The following ADRA1B variants were observed in gnomAD, a reference collection of about 807,000 sequenced individuals.
ADRA1B encodes the protein alpha-1B adrenergic receptor.
In ADRA1B, 17 loss-of-function variants were observed where a neutral mutation model predicts 17.9. The ratio of observed to expected loss-of-function variants is 0.95; its 90% CI spans 0.65 to 1.42. The LOEUF is 1.42. ADRA1B is among the 40% of genes most tolerant of loss of function. The probability of loss-of-function intolerance (pLI) is 0.00; values close to 1 mark genes in which losing one functional copy is unlikely to be tolerated. For synonymous variants in ADRA1B, 366 were observed against 327.6 expected, an observed-to-expected ratio of 1.12 and a Z score of -1.27; for missense variants, 681 against 722.1, an observed-to-expected ratio of 0.94 and a Z score of 0.65.
chr5:159,974,568 G>A (rs1275631576), downstream of ADRA1B, among the ~76,000 whole-genome samples: 7 of 151,644 alleles, frequency 4.6e-5, no homozygotes, highest in East Asian at 1.9e-4. Flanking sequence ...CCCAGGGGGC[G>A]GAGGTTGCAG....
At chr5:159,967,021 G>A (rs1755788086) in intron 1 of ADRA1B, among the ~76,000 whole-genome samples, 1 of 152,194 alleles carries the variant, frequency 6.6e-6, no homozygotes, top group Non-Finnish European at 1.5e-5. Context: ...TTTGGGGAAA[G>A]GTATGTGCAG....
At position 159,916,851 on chromosome 5, in the gene ADRA1B, G is replaced by T. The variant is rs1348734502; in HGVS notation, c.-55G>T. The stretch of plus-strand genomic sequence containing the variant: ...GTTTCAGGGCAGCTGAGGAGCCTTC[G>T]CCGCAGCCCTTCCGAGCCCAATCAT... On this transcript the variant is annotated 5_prime_UTR_variant, in exon 1 of 2. Coordinates refer to ENST00000306675, the MANE Select transcript of ADRA1B (RefSeq NM_000679.4). 1 of 1,512,836 alleles carries T rather than the reference G, an allele frequency of 6.6e-7. No homozygotes were observed. Among genetic ancestry groups the T allele is most frequent in the Non-Finnish European group, 9.0e-7 (1 of 1,116,968 alleles). 93.7% of individuals were successfully genotyped at this position (1,512,836 alleles called of 1,614,324 possible). A position where few individuals can be genotyped will look rare whatever the true frequency, so the allele number is the denominator to read the frequency against.
At chr5:159,951,028 C>A in intron 1 of ADRA1B, 1 of 689,504 alleles carries the variant, frequency 1.5e-6, no homozygotes, top group Non-Finnish European at 2.7e-6. Flanking sequence ...CGCCCAGGGG[C>A]ACTAAGCAGT....
intron 1 of ADRA1B, among the ~76,000 whole-genome samples, chr5:159,871,795 GC>G (rs1454525982): frequency 1.3e-5 from 2 of 152,164 alleles, no homozygotes; most frequent in Non-Finnish European, 2.9e-5. Context: ...GTAGATTGAA[GC>G]CCTGTTTTGA....
rs941935587 is a variant in ADRA1B, at chr5:159,972,408, C to T, written c.1479C>T (p.Asn493=). ...CCGGGACCGACGGCGGCGCCAGCAA[C>T]GGAGGCTGCGAGGCCGCGGCCGACG... ...ESPGTDGGAS[N]GGCEAAADVA... is the part of the protein sequence containing the mutation. Residue 493 remains asparagine, a synonymous_variant, in exon 2 of 2, where the codon AAC becomes AAT. Coordinates refer to ENST00000306675, the MANE Select transcript of ADRA1B (RefSeq NM_000679.4). The T allele has an allele frequency of 1.1e-5, 16 of 1,511,044 alleles. No individual in the cohort carries two copies. Among genetic ancestry groups the T allele is most frequent in the Admixed American group, 4.1e-5 (2 of 49,064 alleles). 93.6% of individuals were successfully genotyped at this position (1,511,044 alleles called of 1,614,324 possible).
chr5:159,879,059 T>A, intron 1 of ADRA1B, among the ~76,000 whole-genome samples: 1 of 152,064 alleles, frequency 6.6e-6, no homozygotes, highest in East Asian at 1.9e-4. Context: ...CTCATGCCAC[T>A]TTCTCTGCTT....
intron 1 of ADRA1B, among the ~76,000 whole-genome samples, chr5:159,894,712 G>A (rs759810984): frequency 1.3e-5 from 2 of 152,152 alleles, no homozygotes; most frequent in African/African-American, 2.4e-5. Flanking sequence ...GCATGAGGTA[G>A]GGATAGAGCA....
At chr5:159,904,216 C>T (rs1336541655) in intron 1 of ADRA1B, among the ~76,000 whole-genome samples, 1 of 152,202 alleles carries the variant, frequency 6.6e-6, no homozygotes, top group African/African-American at 2.4e-5. Flanking sequence ...ACATTAGAGA[C>T]CTCAGTTCTG....
intron 1 of ADRA1B, among the ~76,000 whole-genome samples, chr5:159,891,854 A>G (rs576660514): frequency 6.6e-6 from 1 of 152,320 alleles, no homozygotes; most frequent in South Asian, 2.1e-4. Flanking sequence ...GGATTCAACC[A>G]TGGCTACAGA....
At chr5:159,982,565 AC>A in the ADRA1B span, among the ~76,000 whole-genome samples, 1 of 152,096 alleles carries the variant, frequency 6.6e-6, no homozygotes, top group African/African-American at 2.4e-5. Context: ...GTCCAAGATA[AC>A]ATGGTTTCTA....
At chr5:159,878,772 A>G (rs894321102) in intron 1 of ADRA1B, among the ~76,000 whole-genome samples, 2 of 152,208 alleles carry the variant, frequency 1.3e-5, no homozygotes, top group African/African-American at 4.8e-5. Context: ...TCTATCATGT[A>G]TCATGTATCA....
At chr5:159,955,858 C>T (rs993922996) in intron 1 of ADRA1B, among the ~76,000 whole-genome samples, 1 of 152,170 alleles carries the variant, frequency 6.6e-6, no homozygotes, top group African/African-American at 2.4e-5. Context: ...GCTACTAGCC[C>T]TCTTCTAGCT....
intron 1 of ADRA1B, among the ~76,000 whole-genome samples, chr5:159,902,302 GAGAGT>G (rs1189877285): frequency 6.6e-6 from 1 of 152,194 alleles, no homozygotes; most frequent in Non-Finnish European, 1.5e-5. Flanking sequence ...CATAGAAACA[GAGAGT>G]AGAATGGGGC....
intron 1 of ADRA1B, among the ~76,000 whole-genome samples, chr5:159,875,577 C>A (rs1264717184): frequency 6.6e-6 from 1 of 152,172 alleles, no homozygotes; most frequent in Non-Finnish European, 1.5e-5. Flanking sequence ...CTCCAGTTTT[C>A]CAGTTTCTCC....
chr5:159,885,507 G>A lies in ADRA1B; in HGVS notation c.-256+20301G>A, dbSNP rs529045134. 2.0e-5 allele frequency among the ~76,000 whole-genome samples: 3 copies of A among 152,358 alleles called. No individual in the cohort carries two copies. In the South Asian group the frequency reaches 6.2e-4, roughly 32 times the overall value. On this transcript the variant is annotated intron_variant, in intron 1 of 2. Coordinates refer to the ADRA1B transcript ENST00000641205. ...GTTTCATTTCAAATAGAGAGTCTCA[G>A]AAGAGACATCATTCTTCTTCCTCTG...
chr5:159,973,867 G>A (rs188740371), downstream of ADRA1B, among the ~76,000 whole-genome samples: 18 of 152,318 alleles, frequency 1.2e-4, no homozygotes, highest in East Asian at 3.5e-3. Context: ...AGTTTGAAAA[G>A]AGAATAAAGG....
At chr5:159,928,613 G>A (rs992210948) in intron 1 of ADRA1B, among the ~76,000 whole-genome samples, 2 of 152,174 alleles carry the variant, frequency 1.3e-5, no homozygotes, top group Admixed American at 1.3e-4. Flanking sequence ...TCTCTCTCCT[G>A]TTGGGATGAA....
chr5:159,895,758 G>A (rs1255428990), intron 1 of ADRA1B, among the ~76,000 whole-genome samples: 1 of 152,180 alleles, frequency 6.6e-6, no homozygotes, highest in Non-Finnish European at 1.5e-5. Context: ...ATACTGTTTT[G>A]CATTTCTTGT....
chr5:159,988,849 A>G, the ADRA1B span, among the ~76,000 whole-genome samples: 1 of 152,166 alleles, frequency 6.6e-6, no homozygotes, highest in Non-Finnish European at 1.5e-5. Flanking sequence ...GTTTGGTGAT[A>G]TGCACCTATA....
Sources: allele counts gnomAD v4.1 joint callset (sites outside exome capture counted in the v4.1 genomes callset), GRCh38; gene constraint gnomAD v4.1.1; transcripts MANE v1.5; gene names NCBI Gene and HGNC (gene_info 2026-07-23, HGNC 2026-07-21).